ZBTB46: variants seen among roughly 807,000 people sequenced by gnomAD.
ZBTB46 encodes zinc finger and BTB domain containing 46, also known as zinc finger and BTB domain-containing protein 46.
Under a neutral mutation model 44.1 loss-of-function variants are expected in ZBTB46, and 8 were observed. The ratio of observed to expected loss-of-function variants is 0.18; its 90% CI spans 0.11 to 0.33. The LOEUF (loss-of-function observed/expected upper bound fraction) is 0.33, where lower values mean the gene tolerates loss of function less well. ZBTB46 is among the 10% of genes least tolerant of loss of function. The pLI is 1.00. For synonymous variants in ZBTB46, 409 were observed against 382.3 expected (o/e 1.07, Z -0.81); for missense variants, 651 against 847.7 (o/e 0.77, Z 2.88).
At chr20:63,793,501 A>G (rs1267216361) in intron 1 of ZBTB46, among the ~76,000 whole-genome samples, 1 of 152,214 alleles carries the variant, frequency 6.6e-6, no homozygotes, top group Non-Finnish European at 1.5e-5. Context: ...CGTGATGGGA[A>G]CCGTCAAAAG....
intron 1 of ZBTB46, among the ~76,000 whole-genome samples, chr20:63,830,113 T>A (rs2092840235): frequency 6.6e-6 from 1 of 152,244 alleles, no homozygotes; most frequent in Admixed American, 6.5e-5. Context: ...TTCTTCGCTG[T>A]CAGAAAATAT....
At chr20:63,817,636 A>G (rs1216208911) in intron 1 of ZBTB46, among the ~76,000 whole-genome samples, 1 of 151,332 alleles carries the variant, frequency 6.6e-6, no homozygotes, top group Admixed American at 6.6e-5. Context: ...GAATCGCTTA[A>G]ACCTGGGAGG....
Position 63,813,424 on chromosome 20 carries a change from G to C in ZBTB46, c.-34+17673C>G, listed in dbSNP as rs577072854. ...AGACTGTGCCACTATACTCCAGCCT[G>C]GAGACAGAGCAAGACTCCATCTCAA... On this transcript the variant is annotated intron_variant, in intron 1 of 4. Transcript: ENST00000245663. Among the ~76,000 whole-genome samples the C allele has an allele frequency of 3.3e-5, 5 of 151,334 alleles. No homozygotes were observed. The South Asian group carries it at 1.0e-3, about 32-fold the overall frequency.
At chr20:63,831,376 CGCCGCGCCCCG>C (rs1308247135), upstream of ZBTB46, 2 of 141,748 alleles carry the variant, frequency 1.4e-5, no homozygotes, top group East Asian at 2.1e-4. Context: ...GATTGGCCCG[CGCCGCGCCCCG>C]GCCGCGGCCA....
chr20:63,790,003 T>C lies in ZBTB46; in HGVS notation c.755A>G (p.Gln252Arg). 6.2e-7 allele frequency: 1 copy of C among 1,614,146 alleles called. No individual in the cohort carries two copies. Among genetic ancestry groups the C allele is most frequent in the Non-Finnish European group, 8.5e-7 (1 of 1,180,042 alleles). ...AGCACTCTGCTCTGAGAAAGAGTTCTGTACTGCACCGTCCTTGGCAGAAGG... is the reference window on the plus strand; with the variant it reads ...AGCACTCTGCTCTGAGAAAGAGTTCCGTACTGCACCGTCCTTGGCAGAAGG... The part of the protein sequence containing the change: ...ELPSAKDGAV[Q>R]NSFSEQSAGD... The change falls in exon 2 of 5, where the codon CAG (glutamine) becomes CGG (arginine). Residue 252 changes from glutamine (Q) to arginine (R), a missense_variant. Physicochemically the swap from Gln to Arg is conservative, Grantham distance 43. Around this residue, in one of 5 missense-constraint regions of ZBTB46, gnomAD observed 385 missense variants for 423.3 expected, o/e 0.91. Coordinates refer to ENST00000245663, the MANE Select transcript of ZBTB46 (RefSeq NM_001369741.1).
chr20:63,833,707 C>T (rs2092862070), upstream of ZBTB46, among the ~76,000 whole-genome samples: 2 of 152,212 alleles, frequency 1.3e-5, no homozygotes, highest in African/African-American at 4.8e-5. Flanking sequence ...GCAACACTGC[C>T]AGTGACGGGA....
chr20:63,824,312 T>C (rs2092808774), intron 1 of ZBTB46, among the ~76,000 whole-genome samples: 1 of 152,046 alleles, frequency 6.6e-6, no homozygotes, highest in Admixed American at 6.6e-5. Flanking sequence ...TCTACTTCTT[T>C]CGAAAATACC....
intron 1 of ZBTB46, among the ~76,000 whole-genome samples, chr20:63,802,666 C>T: frequency 6.7e-6 from 1 of 148,516 alleles, no homozygotes; most frequent in Non-Finnish European, 1.5e-5. Flanking sequence ...CCTCAGACCC[C>T]CAGCACCCTC....
intron 3 of ZBTB46, among the ~76,000 whole-genome samples, chr20:63,761,160 G>C (rs1375062405): frequency 1.3e-5 from 2 of 149,330 alleles, no homozygotes; most frequent in African/African-American, 4.9e-5. Context: ...CACCATACCC[G>C]GCTAATTTTT....
intron 3 of ZBTB46, among the ~76,000 whole-genome samples, chr20:63,760,693 G>A (rs1300557290): frequency 2.6e-5 from 4 of 152,074 alleles, no homozygotes; most frequent in African/African-American, 2.4e-5. Context: ...TCCTGACCTC[G>A]TGATCCGCCT....
intron 1 of ZBTB46, among the ~76,000 whole-genome samples, chr20:63,797,725 G>GT (rs1470805985): frequency 6.6e-6 from 1 of 152,174 alleles, no homozygotes; most frequent in Non-Finnish European, 1.5e-5. Flanking sequence ...TCTCATTGTG[G>GT]TTTTGATTTG....
intron 2 of ZBTB46, among the ~76,000 whole-genome samples, chr20:63,776,827 T>C (rs1253184991): frequency 6.6e-6 from 1 of 150,786 alleles, no homozygotes; most frequent in African/African-American, 2.4e-5. Context: ...AATTGCAACC[T>C]ATATATCTGA....
At chr20:63,754,202 G>A (rs762766734) in intron 3 of ZBTB46, among the ~76,000 whole-genome samples, 9 of 152,264 alleles carry the variant, frequency 5.9e-5, no homozygotes, top group Middle Eastern at 3.4e-3. Context: ...CACATCCCCC[G>A]AGTGGCTCCT....
In ZBTB46 at chr20:63,790,677, G is replaced by A. The variant is rs775849449; in HGVS notation, c.81C>T (p.His27=). ...CCACGCAGACGTCGCACAGGACGCC[G>A]TGCTGCCTCTGCTCGTTGAGCTCCC... ...LLRELNEQRQ[H]GVLCDVCVVV... Residue 27 remains histidine, a synonymous_variant, in exon 2 of 5, where the codon CAC becomes CAT. Transcript: ENST00000245663. 16 of 1,611,700 alleles carry A rather than the reference G, an allele frequency of 9.9e-6. No homozygotes were observed. The highest frequency in any genetic ancestry group is 3.3e-4 in the Middle Eastern group (2 of 6,084).
rs201824146 is a variant in ZBTB46, at chr20:63,762,685, AAAC to A, written c.1223-9827_1223-9825del. Among the ~76,000 whole-genome samples, 106 of 144,560 alleles carry A rather than the reference AAAC, an allele frequency of 7.3e-4. 1 individual carries two copies. In the South Asian group the frequency reaches 8.4e-3, roughly 11 times the overall value. 94.8% of individuals were successfully genotyped at this position (144,560 alleles called of 152,430 possible). On this transcript the variant is annotated intron_variant, in intron 3 of 4. Coordinates refer to ENST00000245663, the MANE Select transcript of ZBTB46 (RefSeq NM_001369741.1). Reference sequence around the variant, plus strand: ...ACAAACAAACAAACAAACAAAAAAAAAACCAACTGAGCTGTTAGGAGCAATATG... The same window carrying A: ...ACAAACAAACAAACAAACAAAAAAAACAACTGAGCTGTTAGGAGCAATATG...
At chr20:63,747,547 C>CAGGGCCTGGTGGGTGGGGGGGGCA in intron 4 of ZBTB46, among the ~76,000 whole-genome samples, 1 of 10,518 alleles carries the variant, frequency 9.5e-5, no homozygotes, top group East Asian at 6.2e-3. Context: ...GGGGGGGGTG[C>CAGGGCCTGGTGGGTGGGGGGGGCA]GGGGGTGAGC....
intron 3 of ZBTB46, among the ~76,000 whole-genome samples, chr20:63,756,586 G>C (rs982663644): frequency 6.6e-6 from 1 of 152,248 alleles, no homozygotes; most frequent in Non-Finnish European, 1.5e-5. Context: ...TAAGCCTTAT[G>C]TAAAGTGCAA....
At chr20:63,818,937 G>C (rs2092775846) in intron 1 of ZBTB46, among the ~76,000 whole-genome samples, 1 of 151,124 alleles carries the variant, frequency 6.6e-6, no homozygotes, top group Admixed American at 6.6e-5. Context: ...CACTTTGGGA[G>C]GCCAAGGTGG....
intron 3 of ZBTB46, among the ~76,000 whole-genome samples, chr20:63,771,721 C>T (rs2092376007): frequency 1.3e-5 from 2 of 152,230 alleles, no homozygotes; most frequent in Non-Finnish European, 2.9e-5. Flanking sequence ...CACGGGACCA[C>T]CTGTCGGGGA....
Sources: allele counts gnomAD v4.1 joint callset (sites outside exome capture counted in the v4.1 genomes callset), GRCh38; gene constraint gnomAD v4.1.1; regional missense constraint gnomAD v4.1.1; transcripts MANE v1.5; gene names NCBI Gene and HGNC (gene_info 2026-07-23, HGNC 2026-07-21).